NEK9: variants seen among roughly 807,000 people sequenced by gnomAD.
NEK9 encodes the protein serine/threonine-protein kinase Nek9.
NEK9 carries 75 observed loss-of-function variants against 123.4 expected under a neutral mutation model. The ratio of observed to expected loss-of-function variants is 0.61; its 90% confidence interval spans 0.50 to 0.74. NEK9 has a LOEUF of 0.74. NEK9 is among the 30% of genes least tolerant of loss of function. The pLI is 0.00. For synonymous variants in NEK9, 438 were observed against 458.7 expected, an observed-to-expected ratio of 0.95 and a Z score of 0.58; for missense variants, 952 against 1,214.4, an observed-to-expected ratio of 0.78 and a Z score of 3.21.
At position 75,084,442 on chromosome 14, in the gene NEK9, C is replaced by A; in HGVS notation, c.*122G>T. ...ATGTACAAGGAAAGTGCTTCAGAGCCTCTGCCTTGCGCTCCTTTTCTGCAA... is the reference window on the plus strand; with the variant it reads ...ATGTACAAGGAAAGTGCTTCAGAGCATCTGCCTTGCGCTCCTTTTCTGCAA... On this transcript the variant is annotated 3_prime_UTR_variant, in exon 22 of 22. Coordinates refer to ENST00000238616, the MANE Select transcript of NEK9 (RefSeq NM_033116.6). 1 of 1,162,872 alleles carries A rather than the reference C, an allele frequency of 8.6e-7. No homozygotes were observed. Among genetic ancestry groups the A allele is most frequent in the South Asian group, 1.4e-5 (1 of 71,510 alleles). The allele number at this position is 1,162,872 out of a possible 1,614,324, so 72.0% of individuals were successfully genotyped here.
At chr14:75,116,106 C>T (rs991895350) in intron 6 of NEK9, among the ~76,000 whole-genome samples, 1 of 152,080 alleles carries the variant, frequency 6.6e-6, no homozygotes, top group African/African-American at 2.4e-5. Context: ...GGTGCTATGT[C>T]AGAAGTGTTT....
At chr14:75,086,611 T>C (rs1333061564) in intron 21 of NEK9, 1 of 169,090 alleles carries the variant, frequency 5.9e-6, no homozygotes, top group Admixed American at 5.5e-5. Context: ...ATGGTATCAT[T>C]AAAAACTAAG....
At chr14:75,106,837 GGACA>G in intron 11 of NEK9, 135 bp from the exon 12 acceptor site, 2 of 665,050 alleles carry the variant, frequency 3.0e-6, no homozygotes, top group Non-Finnish European at 5.1e-6. Context: ...GAAATTAAAA[GGACA>G]GACTGTGCAA....
intron 1 of NEK9, among the ~76,000 whole-genome samples, chr14:75,124,865 G>C (rs957184210): frequency 6.6e-6 from 1 of 150,794 alleles, no homozygotes; most frequent in Non-Finnish European, 1.5e-5. Context: ...TGAACTCCTG[G>C]GCTGAAGCAA....
rs1895138238 is a variant in NEK9 at position 75,116,267 on chromosome 14, G to C, written c.762+928C>G. ...TTGAAACAAGCTTGGGTAACATAGT[G>C]AGAACCCATCTCTACAAAAAATAGC... On this transcript the variant is annotated intron_variant, in intron 6 of 21. Coordinates refer to ENST00000238616, the MANE Select transcript of NEK9 (RefSeq NM_033116.6). Among the ~76,000 whole-genome samples the C allele has an allele frequency of 2.0e-5, 3 of 152,166 alleles. No homozygotes were observed. The South Asian group carries it at 6.2e-4, about 31-fold the overall frequency.
At position 75,110,315 on chromosome 14, in the gene NEK9, C is replaced by G; in HGVS notation, c.989+6G>C. ...TATTAGTTTTTAAGAGTCTCTTGAA[C>G]ATTACCTTGGTCTCTTTGTAGGTGC... On this transcript the variant is annotated splice_donor_region_variant and intron_variant, in intron 9 of 21. Coordinates refer to ENST00000238616, the MANE Select transcript of NEK9 (RefSeq NM_033116.6). 1 of 1,609,302 alleles carries G rather than the reference C, an allele frequency of 6.2e-7. No homozygotes were observed. The highest frequency in any genetic ancestry group is 8.5e-7 in the Non-Finnish European group (1 of 1,176,172).
At chr14:75,107,602 C>A in intron 10 of NEK9, 115 bp from the exon 11 acceptor site, 1 of 812,202 alleles carries the variant, frequency 1.2e-6, no homozygotes, top group South Asian at 2.1e-5. Flanking sequence ...CTCCTGGGCT[C>A]AAGTGATCCT....
At chr14:75,086,746 A>G (rs936554637) in intron 21 of NEK9, 2 of 367,794 alleles carry the variant, frequency 5.4e-6, no homozygotes, top group Non-Finnish European at 5.3e-6. Flanking sequence ...TCTCTACTAA[A>G]AATACCAAAA....
rs1894563231 is a variant in NEK9 at position 75,101,102 on chromosome 14, A to G, written c.1892T>C (p.Val631Ala). 3.1e-6 allele frequency: 5 copies of G among 1,614,118 alleles called. No individual in the cohort carries two copies. Among genetic ancestry groups the G allele is most frequent in the East Asian group, 2.2e-5 (1 of 44,902 alleles). ...TCCCAGACGCTTCTTGTAGTTCCCA[A>G]CGCCCAGCTGCCCACACTTGTTGCA... The part of the protein sequence containing the change: ...FGCNKCGQLG[V>A]GNYKKRLGIN... The change falls in exon 16 of 22, where the codon GTT becomes GCT. Residue 631 changes from valine to alanine, a missense_variant. By Grantham distance (64) the Val-to-Ala change is moderately conservative. This residue lies in a region of NEK9 where 698 missense variants were observed against 875.6 expected (regional missense o/e 0.80). Coordinates refer to ENST00000238616, the MANE Select transcript of NEK9 (RefSeq NM_033116.6).
intron 14 of NEK9, 43 bp downstream of exon 14, chr14:75,103,799 G>C (rs377064140): frequency 8.0e-5 from 124 of 1,558,488 alleles, no homozygotes; most frequent in Non-Finnish European, 1.0e-4. Flanking sequence ...CCAACCTAGA[G>C]AAATTCTGAT....
At chr14:75,110,845 C>A (rs960931444) in intron 8 of NEK9, among the ~76,000 whole-genome samples, 1 of 152,158 alleles carries the variant, frequency 6.6e-6, no homozygotes, top group African/African-American at 2.4e-5. Flanking sequence ...TCAGTCATCT[C>A]TGATTCATCT....
chr14:75,101,253 G>T, intron 15 of NEK9, 100 bp from the exon 16 acceptor site: 1 of 1,268,774 alleles, frequency 7.9e-7, no homozygotes, highest in Non-Finnish European at 1.1e-6. Flanking sequence ...CCGGTTGTTA[G>T]AATATACAAA....
intron 6 of NEK9, chr14:75,116,345 GATGA>G (rs1895141852): frequency 6.2e-6 from 1 of 160,084 alleles, no homozygotes; most frequent in Non-Finnish European, 1.4e-5. Flanking sequence ...ACTGAGGCGG[GATGA>G]CTGCTGGAGC....
intron 6 of NEK9, among the ~76,000 whole-genome samples, chr14:75,115,058 CACACGTGTGTGCACATATAT>C (rs1225544616): frequency 8.5e-6 from 1 of 117,594 alleles, no homozygotes; most frequent in Non-Finnish European, 1.9e-5. Flanking sequence ...TACATGTACA[CACACGTGTGTGCACATATAT>C]ACACGTGTGT....
intron 2 of NEK9, among the ~76,000 whole-genome samples, chr14:75,122,039 T>C (rs1193377858): frequency 6.6e-6 from 1 of 152,248 alleles, no homozygotes; most frequent in South Asian, 2.1e-4. Context: ...GTGGAATAAG[T>C]GTGAATTTAC....
intron 6 of NEK9, among the ~76,000 whole-genome samples, chr14:75,114,540 T>C (rs553594796): frequency 6.6e-6 from 1 of 152,260 alleles, no homozygotes; most frequent in East Asian, 1.9e-4. Flanking sequence ...ATGTGGCCAA[T>C]AATATGATGC....
Position 75,126,937 on chromosome 14 carries a change from C to T in NEK9, c.-16G>A, listed in dbSNP as rs1271621108. On this transcript the variant is annotated 5_prime_UTR_variant, in exon 1 of 22. Coordinates refer to ENST00000238616, the MANE Select transcript of NEK9 (RefSeq NM_033116.6). Reference sequence around the variant, plus strand: ...GCACCGACATGGCGGCGGCCGCGGGCCTTGGGGACCAGCCTGCGTATGCCC... The same window carrying T: ...GCACCGACATGGCGGCGGCCGCGGGTCTTGGGGACCAGCCTGCGTATGCCC... 2.8e-6 allele frequency: 4 copies of T among 1,449,350 alleles called. No individual in the cohort carries two copies. Among genetic ancestry groups the T allele is most frequent in the Non-Finnish European group, 3.7e-6 (4 of 1,094,728 alleles). The allele number at this position is 1,449,350 out of a possible 1,614,324, so 89.8% of individuals were successfully genotyped here.
Position 75,118,248 on chromosome 14 carries a change from T to C in NEK9, c.630+582A>G, listed in dbSNP as rs112955875. 5.9e-3 allele frequency among the ~76,000 whole-genome samples: 901 copies of C among 152,322 alleles called. 7 individuals are homozygous for C. The highest frequency in any genetic ancestry group is 0.021 in the African/African-American group (867 of 41,562). Reference sequence around the variant, plus strand: ...GCCAAAATCAGTTTTCAATTTCTTTTAAGGACAGAGCATTGTGAAACTAGA... The same window carrying C: ...GCCAAAATCAGTTTTCAATTTCTTTCAAGGACAGAGCATTGTGAAACTAGA... On this transcript the variant is annotated intron_variant, in intron 5 of 21. Transcript: ENST00000238616.
At position 75,097,217 on chromosome 14, in the gene NEK9, G is replaced by A. The variant is rs767013152; in HGVS notation, c.2056C>T (p.Pro686Ser). Residue 686 changes from proline to serine, a missense_variant, in exon 17 of 22, where the codon CCC becomes TCC. By Grantham distance (74) the Pro-to-Ser change is moderately conservative (BLOSUM62 -1). Transcript: ENST00000238616. ...NGGNGRLAMT[P>S]TERPHGSDIC... The stretch of plus-strand genomic sequence containing the variant: ...TCAGAGCCATGTGGTCTCTCTGTGG[G>A]GGTCATTGCCAGGCGGCCATTACCA... 3 of 1,611,416 alleles carry A rather than the reference G, an allele frequency of 1.9e-6. No individual in the cohort carries two copies.
Sources: allele counts gnomAD v4.1 joint callset (sites outside exome capture counted in the v4.1 genomes callset), GRCh38; gene constraint gnomAD v4.1.1; regional missense constraint gnomAD v4.1.1; transcripts MANE v1.5; gene names NCBI Gene and HGNC (gene_info 2026-07-23, HGNC 2026-07-21).